The following KIAA1328 variants were observed in gnomAD, a reference collection of about 807,000 sequenced individuals.
The protein encoded by KIAA1328 is protein hinderin.
KIAA1328 carries 52 observed loss-of-function variants against 68.1 expected under a neutral mutation model. That is an observed-to-expected ratio of 0.76 (90% CI 0.61 to 0.96). KIAA1328 has a LOEUF of 0.96. KIAA1328 is among the 40% of genes least tolerant of loss of function. The pLI, the probability that KIAA1328 is intolerant of heterozygous loss-of-function variation, is 0.00. For synonymous variants in KIAA1328, 232 were observed against 239.4 expected, an observed-to-expected ratio of 0.97 and a Z score of 0.28; for missense variants, 641 against 677.6, an observed-to-expected ratio of 0.95 and a Z score of 0.60.
Position 36,829,191 on chromosome 18 carries a change from G to T in KIAA1328, c.53G>T (p.Arg18Leu). 3 of 1,530,314 alleles carry T rather than the reference G, an allele frequency of 2.0e-6. No homozygotes were observed. In the South Asian group the frequency reaches 3.6e-5, roughly 19 times the overall value. 94.8% of individuals were successfully genotyped at this position (1,530,314 alleles called of 1,614,324 possible). ...CCCAGTGCCGCGGCGTTCTGGAGCC[G>T]GGACTGTATCCTTTGCCCGCCTGAC... is the stretch of plus-strand genomic sequence containing the variant. ...SRPSAAAFWS[R>L]DFSDEEQSVV... Residue 18 changes from arginine (R) to leucine (L), a missense_variant, in exon 1 of 10, where the codon CGG becomes CTG. Arg to Leu is a moderately radical substitution (Grantham distance 102). Coordinates refer to ENST00000280020, the MANE Select transcript of KIAA1328 (RefSeq NM_020776.3).
chr18:37,149,244 A>C (rs1568467557), intron 7 of KIAA1328, among the ~76,000 whole-genome samples: 2 of 152,100 alleles, frequency 1.3e-5, no homozygotes, highest in South Asian at 4.1e-4. Context: ...AATAGAAGAC[A>C]CAGAAATAAG....
chr18:37,145,124 G>A (rs1419284058), intron 7 of KIAA1328, among the ~76,000 whole-genome samples: 2 of 152,034 alleles, frequency 1.3e-5, no homozygotes, highest in Non-Finnish European at 2.9e-5. Flanking sequence ...AGCCCTAGCT[G>A]CTCAGCGGAA....
In KIAA1328 at chr18:37,224,342, G is replaced by A. The variant is rs1214662909; in HGVS notation, c.*2115G>A. 4.1e-6 allele frequency: 4 copies of A among 985,280 alleles called. No homozygotes were observed. The highest frequency in any genetic ancestry group is 3.5e-5 in the African/African-American group (2 of 57,232). The allele number at this position is 985,280 out of a possible 1,614,324, so 61.0% of individuals were successfully genotyped here. ...AACTAAAGGCTTTTTGGGGGTCACA[G>A]CCACAGAGTGGAGTTTTATTGCTTC... On this transcript the variant is annotated 3_prime_UTR_variant, in exon 10 of 10. Transcript: ENST00000280020.
intron 6 of KIAA1328, among the ~76,000 whole-genome samples, chr18:36,980,605 G>T (rs2052645276): frequency 6.6e-6 from 1 of 152,130 alleles, no homozygotes; most frequent in Admixed American, 6.6e-5. Context: ...TGAAGTGAAA[G>T]GAAGTAATGA....
chr18:36,985,659 A>T (rs914766602), intron 6 of KIAA1328, among the ~76,000 whole-genome samples: 2 of 152,202 alleles, frequency 1.3e-5, no homozygotes, highest in Non-Finnish European at 2.9e-5. Context: ...TCATGTGCAT[A>T]TGCAAAAAGA....
At chr18:37,211,557 G>A (rs1287174775) in intron 9 of KIAA1328, among the ~76,000 whole-genome samples, 1 of 152,128 alleles carries the variant, frequency 6.6e-6, no homozygotes, top group African/African-American at 2.4e-5. Context: ...CATTCTAGGC[G>A]ATGGAACCAC....
At chr18:37,066,831 A>G in intron 6 of KIAA1328, 59 bp from the exon 7 acceptor site, 1 of 1,434,772 alleles carries the variant, frequency 7.0e-7, no homozygotes, top group Non-Finnish European at 9.3e-7. Flanking sequence ...GAAAAACCAA[A>G]CGAAAGAACT....
intron 5 of KIAA1328, among the ~76,000 whole-genome samples, chr18:36,897,478 G>A (rs79695394): frequency 0.011 from 1,696 of 152,040 alleles, 15 homozygotes; most frequent in South Asian, 0.036. Flanking sequence ...AGTGTCAAGA[G>A]GCAAAGGAGA....
At chr18:36,916,744 G>A (rs1015008390) in intron 5 of KIAA1328, among the ~76,000 whole-genome samples, 1 of 152,014 alleles carries the variant, frequency 6.6e-6, no homozygotes, top group Admixed American at 6.6e-5. Flanking sequence ...AATGAATGTG[G>A]TTTCTTACGT....
chr18:36,859,940 G>A (rs9945363), intron 4 of KIAA1328, among the ~76,000 whole-genome samples: 150,983 of 151,006 alleles, frequency 1, 75,480 homozygotes, highest in Middle Eastern at 1. Context: ...TTTTTAATGT[G>A]TACTTATAAA....
At chr18:36,957,258 G>A (rs955086387) in intron 5 of KIAA1328, among the ~76,000 whole-genome samples, 11 of 152,134 alleles carry the variant, frequency 7.2e-5, no homozygotes, top group Non-Finnish European at 1.3e-4. Context: ...ACCCTTAATC[G>A]TGATGACCTA....
intron 6 of KIAA1328, among the ~76,000 whole-genome samples, chr18:36,963,756 A>G (rs2051797632): frequency 6.6e-6 from 1 of 152,162 alleles, no homozygotes; most frequent in Admixed American, 6.5e-5. Context: ...CCATCTCTGT[A>G]ATGTCACCTT....
intron 5 of KIAA1328, among the ~76,000 whole-genome samples, chr18:36,888,636 A>AT (rs2150991740): frequency 6.6e-6 from 1 of 152,232 alleles, no homozygotes; most frequent in African/African-American, 2.4e-5. Flanking sequence ...AAAGGACATG[A>AT]TTTTTTTAAA....
chr18:37,115,820 A>T (rs1269468790), intron 7 of KIAA1328, among the ~76,000 whole-genome samples: 1 of 152,260 alleles, frequency 6.6e-6, no homozygotes, highest in Non-Finnish European at 1.5e-5. Context: ...GCAAAGTCTC[A>T]GTATACAAAA....
At chr18:36,829,322 G>T (rs2046370682) in intron 1 of KIAA1328, 126 bp downstream of exon 1, 1 of 1,401,994 alleles carries the variant, frequency 7.1e-7, no homozygotes, top group Non-Finnish European at 9.2e-7. Context: ...GGGACGTGCT[G>T]CTCGGCCCCA....
At chr18:37,077,059 G>A (rs2056765072) in intron 7 of KIAA1328, among the ~76,000 whole-genome samples, 1 of 151,876 alleles carries the variant, frequency 6.6e-6, no homozygotes, top group African/African-American at 2.4e-5. Context: ...CAATATCCTT[G>A]ATGAACATTG....
intron 7 of KIAA1328, among the ~76,000 whole-genome samples, chr18:37,155,389 C>T (rs2059130828): frequency 6.6e-6 from 1 of 152,132 alleles, no homozygotes; most frequent in Non-Finnish European, 1.5e-5. Flanking sequence ...TTTTTCCCAC[C>T]CTTCCCCAAT....
Position 37,225,056 on chromosome 18 carries a change from G to T in KIAA1328, c.*2829G>T. The T allele has an allele frequency of 6.1e-6, 6 of 985,408 alleles. No homozygotes were observed. The highest frequency in any genetic ancestry group is 7.2e-6 in the Non-Finnish European group (6 of 829,932). 61.0% of individuals were successfully genotyped at this position (985,408 alleles called of 1,614,324 possible). A position where few individuals can be genotyped will look rare whatever the true frequency, so the allele number is the denominator to read the frequency against. On this transcript the variant is annotated 3_prime_UTR_variant, in exon 10 of 10. Coordinates refer to ENST00000280020, the MANE Select transcript of KIAA1328 (RefSeq NM_020776.3). The stretch of plus-strand genomic sequence containing the variant: ...TCTAGAGCACCCCAAATGTCATGGG[G>T]AGAGAGGGACTCTTTCTGCTCCCTC...
intron 6 of KIAA1328, among the ~76,000 whole-genome samples, chr18:36,981,761 A>ATTTT: frequency 7.1e-6 from 1 of 141,546 alleles, no homozygotes; most frequent in East Asian, 2.1e-4. Flanking sequence ...TAATTGTTTG[A>ATTTT]TTTTTTTTTT....
Sources: allele counts gnomAD v4.1 joint callset (sites outside exome capture counted in the v4.1 genomes callset), GRCh38; gene constraint gnomAD v4.1.1; transcripts MANE v1.5; gene names NCBI Gene and HGNC (gene_info 2026-07-23, HGNC 2026-07-21).